PTPRD: variants seen among roughly 807,000 people sequenced by gnomAD.
PTPRD encodes receptor-type tyrosine-protein phosphatase delta.
A neutral mutation model predicts 214.5 loss-of-function variants in PTPRD; 34 were observed. That is an observed-to-expected ratio of 0.16 (90% confidence interval 0.12 to 0.21). PTPRD has a LOEUF of 0.21. PTPRD is among the 10% of genes least tolerant of loss of function. The probability of loss-of-function intolerance (pLI) is 1.00; values close to 1 mark genes in which losing one functional copy is unlikely to be tolerated. For synonymous variants in PTPRD, 1,128 were observed against 845.7 expected (o/e 1.33, Z -5.79); for missense variants, 2,545 against 2,398.7 (o/e 1.06, Z -1.27).
chr9:8,632,761 T>C (rs771736051), intron 14 of PTPRD, among the ~76,000 whole-genome samples: 1 of 152,024 alleles, frequency 6.6e-6, no homozygotes, highest in Admixed American at 6.6e-5. Flanking sequence ...AGAAAGGGAT[T>C]TGTCAGCCCA....
intron 2 of PTPRD, among the ~76,000 whole-genome samples, chr9:10,463,537 A>G (rs6474553): frequency 6.6e-6 from 1 of 151,984 alleles, no homozygotes. Flanking sequence ...TTTCAAAACT[A>G]CAAAAAAAGT....
chr9:10,162,877 T>C (rs1280283723), intron 3 of PTPRD, among the ~76,000 whole-genome samples: 1 of 150,462 alleles, frequency 6.6e-6, no homozygotes, highest in Non-Finnish European at 1.5e-5. Context: ...CATATTATTA[T>C]TCTTTTCTTC....
intron 9 of PTPRD, among the ~76,000 whole-genome samples, chr9:9,374,316 G>C (rs1389797370): frequency 6.6e-6 from 1 of 151,992 alleles, no homozygotes; most frequent in Non-Finnish European, 1.5e-5. Context: ...AAGGAATATA[G>C]TTATATGTAA....
At chr9:9,895,728 T>A (rs926748161) in intron 5 of PTPRD, among the ~76,000 whole-genome samples, 2 of 152,058 alleles carry the variant, frequency 1.3e-5, no homozygotes, top group African/African-American at 2.4e-5. Flanking sequence ...GAATGAGCAA[T>A]TATTTTTGTT....
chr9:8,389,040 T>C (rs1056737933), intron 37 of PTPRD, among the ~76,000 whole-genome samples, 192 bp downstream of exon 37: 2 of 151,686 alleles, frequency 1.3e-5, no homozygotes, highest in Admixed American at 1.3e-4. Context: ...CATGGGAGAA[T>C]TTCTTTTGTG....
intron 14 of PTPRD, among the ~76,000 whole-genome samples, chr9:8,562,542 T>C (rs2086816608): frequency 6.6e-6 from 1 of 152,130 alleles, no homozygotes; most frequent in Non-Finnish European, 1.5e-5. Flanking sequence ...GTTCAAGTGA[T>C]CTTCCCACCT....
intron 27 of PTPRD, among the ~76,000 whole-genome samples, chr9:8,488,813 G>C (rs769868729): frequency 6.6e-6 from 1 of 152,126 alleles, no homozygotes; most frequent in Non-Finnish European, 1.5e-5. Flanking sequence ...AAAATCCATG[G>C]TGAAATAGAG....
In PTPRD at chr9:10,254,693, A is replaced by T. The variant is rs554060515; in HGVS notation, c.-545+86270T>A. On this transcript the variant is annotated intron_variant, in intron 3 of 45. Coordinates refer to ENST00000381196, the MANE Select transcript of PTPRD (RefSeq NM_002839.4). ...CTTTTGACTGCCAGATGTGGGAAGGAAAGAATGAGATTAGAGGATATCCTT... is the reference window on the plus strand; with the variant it reads ...CTTTTGACTGCCAGATGTGGGAAGGTAAGAATGAGATTAGAGGATATCCTT... 9.8e-5 allele frequency among the ~76,000 whole-genome samples: 15 copies of T among 152,322 alleles called. No homozygotes were observed. In the South Asian group the frequency reaches 2.9e-3, roughly 29 times the overall value.
chr9:10,524,994 A>G (rs956999464), intron 2 of PTPRD, among the ~76,000 whole-genome samples: 1 of 151,620 alleles, frequency 6.6e-6, no homozygotes, highest in Non-Finnish European at 1.5e-5. Context: ...CAACACTAAG[A>G]CCTATATCAT....
Position 9,138,273 on chromosome 9 carries a change from T to A in PTPRD, c.-143+45031A>T, listed in dbSNP as rs150040158. ...TGCATCAGCTTTATCATCTCCTAAA[T>A]AGGGATATAATATTGAGATGTGGTG... On this transcript the variant is annotated intron_variant, in intron 10 of 45. Coordinates refer to ENST00000381196, the MANE Select transcript of PTPRD (RefSeq NM_002839.4). 2.2e-4 allele frequency among the ~76,000 whole-genome samples: 34 copies of A among 152,188 alleles called. No individual in the cohort carries two copies. In the East Asian group the frequency reaches 6.2e-3, roughly 28 times the overall value.
intron 7 of PTPRD, among the ~76,000 whole-genome samples, chr9:9,656,516 A>G (rs1313703331): frequency 6.6e-6 from 1 of 152,216 alleles, no homozygotes; most frequent in African/African-American, 2.4e-5. Flanking sequence ...TTAAAGGGCT[A>G]CATACTGCAT....
At chr9:8,485,356 C>T in intron 28 of PTPRD, 32 bp from the exon 29 acceptor site, 1 of 1,509,990 alleles carries the variant, frequency 6.6e-7, no homozygotes, top group African/African-American at 1.4e-5. Context: ...TGTATTTAAA[C>T]TATTCTTAAA....
chr9:10,322,673 A>C (rs772427321), intron 3 of PTPRD, among the ~76,000 whole-genome samples: 1 of 152,126 alleles, frequency 6.6e-6, no homozygotes, highest in Non-Finnish European at 1.5e-5. Context: ...ATTCAAAAAG[A>C]GGGGAGATGG....
chr9:9,052,233 G>A (rs1345116254), intron 10 of PTPRD, among the ~76,000 whole-genome samples: 1 of 152,072 alleles, frequency 6.6e-6, no homozygotes, highest in African/African-American at 2.4e-5. Context: ...TGAGGGTTCT[G>A]CCCTTATTAT....
At position 9,813,315 on chromosome 9, in the gene PTPRD, G is replaced by C. The variant is rs2047732250; in HGVS notation, c.-367-46464C>G. 2.0e-5 allele frequency among the ~76,000 whole-genome samples: 3 copies of C among 151,842 alleles called. No homozygotes were observed. In the South Asian group the frequency reaches 6.2e-4, roughly 32 times the overall value. On this transcript the variant is annotated intron_variant, in intron 5 of 45. Coordinates refer to ENST00000381196, the MANE Select transcript of PTPRD (RefSeq NM_002839.4). ...TGAAGATTAGAGCATAAATGAAATG[G>C]ATACTAGAAAGACAATTAAAATGAT...
intron 11 of PTPRD, among the ~76,000 whole-genome samples, chr9:8,762,569 C>T (rs1013660272): frequency 3.9e-5 from 6 of 152,132 alleles, no homozygotes; most frequent in Admixed American, 1.3e-4. Context: ...GCAATACAAA[C>T]TAACCTATCA....
chr9:9,980,146 C>T (rs1490362643), intron 4 of PTPRD, among the ~76,000 whole-genome samples: 5 of 151,730 alleles, frequency 3.3e-5, no homozygotes, highest in African/African-American at 1.2e-4. Context: ...TTCTTTTCAA[C>T]AAAATTTAAC....
At chr9:8,744,874 T>C (rs1321503413) in intron 11 of PTPRD, among the ~76,000 whole-genome samples, 3 of 152,226 alleles carry the variant, frequency 2.0e-5, no homozygotes, top group East Asian at 3.8e-4. Flanking sequence ...CTCTCTAAGA[T>C]ACTATTAACA....
intron 9 of PTPRD, among the ~76,000 whole-genome samples, chr9:9,246,383 G>T (rs77147381): frequency 6.6e-6 from 1 of 152,018 alleles, no homozygotes; most frequent in Non-Finnish European, 1.5e-5. Context: ...AAAATCACCA[G>T]ATTAGCTTAT....
Sources: allele counts gnomAD v4.1 joint callset (sites outside exome capture counted in the v4.1 genomes callset), GRCh38; gene constraint gnomAD v4.1.1; transcripts MANE v1.5; gene names NCBI Gene and HGNC (gene_info 2026-07-23, HGNC 2026-07-21).